The following KRTAP13-3 variants were observed in gnomAD, a reference collection of about 807,000 sequenced individuals.
The protein encoded by KRTAP13-3 is keratin-associated protein 13-3.
For missense variants in KRTAP13-3, 243 were observed against 202.8 expected, an observed-to-expected ratio of 1.20 and a Z score of -1.20; for synonymous variants, 98 against 79.4, an observed-to-expected ratio of 1.23 and a Z score of -1.25.
chr21:30,425,721 GT>G, the KRTAP13-3 span: 4 of 1,614,052 alleles, frequency 2.5e-6, no homozygotes, highest in Non-Finnish European at 3.4e-6. Flanking sequence ...TCTGACAGCT[GT>G]TGGGCCTCCA....
At chr21:30,425,667 G>A (rs758302779) in exon 1 of KRTAP13-3, 29 of 1,614,064 alleles carry the variant, frequency 1.8e-5, no homozygotes, top group Middle Eastern at 3.3e-4. Flanking sequence ...GAGTCCTGGG[G>A]TAGTAGCAGG....
exon 1 of KRTAP13-3, chr21:30,425,591 A>C: frequency 6.2e-7 from 1 of 1,614,146 alleles, no homozygotes; most frequent in Non-Finnish European, 8.5e-7. Flanking sequence ...CTCAGGGAGC[A>C]GCAGCTATTG....
exon 1 of KRTAP13-3, chr21:30,425,580 G>C: frequency 6.2e-7 from 1 of 1,614,128 alleles, no homozygotes; most frequent in Non-Finnish European, 8.5e-7. Flanking sequence ...TGGATCCACA[G>C]CTCAGGGAGC....
chr21:30,425,898 A>C (rs970684749), exon 1 of KRTAP13-3: 4 of 1,612,482 alleles, frequency 2.5e-6, no homozygotes, highest in Admixed American at 1.7e-5. Context: ...TTCTAGAGCA[A>C]CAGTTGTAGG....
exon 1 of KRTAP13-3, chr21:30,425,917 A>C (rs1326861172): frequency 6.2e-7 from 1 of 1,606,548 alleles, no homozygotes; most frequent in Admixed American, 1.7e-5. Flanking sequence ...GGACATGTTG[A>C]CGGGAAGATG....
exon 1 of KRTAP13-3, chr21:30,425,875 CAGG>C: frequency 3.7e-6 from 6 of 1,613,774 alleles, no homozygotes; most frequent in Non-Finnish European, 4.2e-6. Context: ...CCCGTGGGAG[CAGG>C]AGGAGAAGTT....
exon 1 of KRTAP13-3, chr21:30,425,722 T>C (rs1320226618): frequency 6.2e-7 from 1 of 1,613,896 alleles, no homozygotes; most frequent in African/African-American, 1.3e-5. Context: ...CTGACAGCTG[T>C]TGGGCCTCCA....
chr21:30,425,860 T>C, exon 1 of KRTAP13-3: 2 of 1,614,048 alleles, frequency 1.2e-6, no homozygotes, highest in South Asian at 1.1e-5. Context: ...GTAGTGCAAG[T>C]AACCCCCGTG....
exon 1 of KRTAP13-3, chr21:30,425,533 A>C (rs199507647): frequency 1.9e-5 from 31 of 1,613,976 alleles, no homozygotes; most frequent in Non-Finnish European, 2.5e-5. Context: ...CAGATATCTG[A>C]AGCCATTGGA....
chr21:30,425,472 G>A, exon 1 of KRTAP13-3: 1 of 1,611,426 alleles, frequency 6.2e-7, no homozygotes, highest in Non-Finnish European at 8.5e-7. Context: ...AGATTGGATG[G>A]CAGAATCTGG....
chr21:30,425,546 C>T, exon 1 of KRTAP13-3: 3 of 1,614,048 alleles, frequency 1.9e-6, no homozygotes, highest in South Asian at 2.2e-5. Context: ...CCATTGGATC[C>T]ACAGCCCAGT....
exon 1 of KRTAP13-3, chr21:30,425,896 C>A: frequency 2.5e-6 from 4 of 1,612,704 alleles, no homozygotes; most frequent in Non-Finnish European, 8.5e-7. Flanking sequence ...GTTTCTAGAG[C>A]AACAGTTGTA....
Position 30,425,590 on chromosome 21 carries a change from C to T in KRTAP13-3, c.323G>A (p.Cys108Tyr), listed in dbSNP as rs1464684408. The T allele has an allele frequency of 1.9e-6, 3 of 1,614,130 alleles. No homozygotes were observed. The Admixed American group carries it at 5.0e-5, about 27-fold the overall frequency. ...GCTCCTGGATCCACAGCTCAGGGAG[C>T]AGCAGCTATTGGATCCAAAACCCCG... Residue 108 changes from cysteine (C) to tyrosine (Y), a missense_variant, in exon 1 of 1, where the codon TGC becomes TAC. Physicochemically the swap from Cys to Tyr is radical, Grantham distance 194. Transcript: ENST00000390690.
At chr21:30,425,771 G>C (rs1158676669) in exon 1 of KRTAP13-3, 4 of 1,614,082 alleles carry the variant, frequency 2.5e-6, no homozygotes, top group Non-Finnish European at 3.4e-6. Flanking sequence ...GAGGAACCCA[G>C]CTGGCAGGTG....
At chr21:30,425,459 A>G in exon 1 of KRTAP13-3, 1 of 1,609,392 alleles carries the variant, frequency 6.2e-7, no homozygotes, top group Non-Finnish European at 8.5e-7. Flanking sequence ...CTAGGTGGAA[A>G]ATAGATTGGA....
At chr21:30,425,901 G>A in exon 1 of KRTAP13-3, 2 of 1,610,462 alleles carry the variant, frequency 1.2e-6, no homozygotes, top group Non-Finnish European at 1.7e-6. Context: ...TAGAGCAACA[G>A]TTGTAGGACA....
chr21:30,425,517 A>G, exon 1 of KRTAP13-3: 1 of 1,614,088 alleles, frequency 6.2e-7, no homozygotes, highest in Non-Finnish European at 8.5e-7. Flanking sequence ...TATGGATTCT[A>G]TAATTCAGAT....
exon 1 of KRTAP13-3, chr21:30,425,606 C>T (rs1984276618): frequency 6.2e-7 from 1 of 1,613,980 alleles, no homozygotes; most frequent in African/African-American, 1.3e-5. Flanking sequence ...CTATTGGATC[C>T]AAAACCCCGA....
Position 30,425,795 on chromosome 21 carries a change from G to T in KRTAP13-3, c.118C>A (p.Leu40Ile), listed in dbSNP as rs371743188. ...AGCTGGCAGGTGCTGGGAGAGCAGA[G>T]GTCAGTGCTGTAGACCAGGTTGCTG... Residue 40 changes from leucine (L) to isoleucine (I), a missense_variant, in exon 1 of 1, where the codon CTC becomes ATC. Coordinates refer to ENST00000390690, the Ensembl canonical transcript of KRTAP13-3. 6.2e-6 allele frequency: 10 copies of T among 1,614,052 alleles called. No individual in the cohort carries two copies. In the East Asian group the frequency reaches 2.2e-4, roughly 36 times the overall value.
Sources: allele counts gnomAD v4.1 joint callset, GRCh38; gene constraint gnomAD v4.1.1; transcripts MANE v1.5; gene names NCBI Gene and HGNC (gene_info 2026-07-23, HGNC 2026-07-21).